Variants in MTUS2 observed in about 807,000 individuals in gnomAD.
MTUS2 encodes the protein microtubule associated scaffold protein 2.
Under a neutral mutation model 114.1 loss-of-function variants are expected in MTUS2, and 40 were observed. The ratio of observed to expected loss-of-function variants is 0.35; its 90% CI spans 0.27 to 0.46. The LOEUF (loss-of-function observed/expected upper bound fraction) is 0.46, where lower values mean the gene tolerates loss of function less well. Ranked by LOEUF, MTUS2 falls within the 20% of genes least tolerant of loss-of-function variation. MTUS2 has a pLI of 1.00. For synonymous variants in MTUS2, 688 were observed against 672.0 expected (o/e 1.02, Z -0.37); for missense variants, 1,679 against 1,705.4 (o/e 0.98, Z 0.27).
At chr13:29,101,256 A>G (rs1463702692) in intron 5 of MTUS2, among the ~76,000 whole-genome samples, 1 of 152,010 alleles carries the variant, frequency 6.6e-6, no homozygotes, top group Non-Finnish European at 1.5e-5. Context: ...GATTCTAGGT[A>G]AGAAGTCAAA....
intron 3 of MTUS2, among the ~76,000 whole-genome samples, chr13:29,033,292 G>C (rs554181074): frequency 1.1e-3 from 169 of 152,276 alleles, no homozygotes; most frequent in African/African-American, 3.9e-3. Flanking sequence ...GATAACTCAG[G>C]CTCAGGTTTT....
chr13:29,084,882 G>GT (rs1393819116), intron 4 of MTUS2, among the ~76,000 whole-genome samples: 2 of 151,622 alleles, frequency 1.3e-5, no homozygotes, highest in Non-Finnish European at 2.9e-5. Flanking sequence ...AGAACACTGG[G>GT]TTTAACTAGT....
intron 8 of MTUS2, among the ~76,000 whole-genome samples, chr13:29,384,334 C>G (rs1323672251): frequency 1.3e-5 from 2 of 152,102 alleles, no homozygotes; most frequent in Non-Finnish European, 2.9e-5. Context: ...TATTTATGAC[C>G]CTTACTCAAT....
intron 5 of MTUS2, among the ~76,000 whole-genome samples, chr13:29,137,630 T>C (rs147053864): frequency 6.6e-4 from 101 of 152,186 alleles, no homozygotes; most frequent in African/African-American, 2.4e-3. Context: ...CTTTCTTCTT[T>C]TTTTTGAGAC....
chr13:29,223,882 C>T (rs1332068240), intron 5 of MTUS2, among the ~76,000 whole-genome samples: 1 of 152,240 alleles, frequency 6.6e-6, no homozygotes, highest in Non-Finnish European at 1.5e-5. Context: ...ACCACATTCC[C>T]TGTGCCAGCC....
chr13:29,284,790 C>T (rs1336400168), intron 6 of MTUS2, among the ~76,000 whole-genome samples: 2 of 152,026 alleles, frequency 1.3e-5, no homozygotes, highest in Non-Finnish European at 2.9e-5. Flanking sequence ...AGGATAAAGT[C>T]AGAACTCATC....
At chr13:29,291,181 G>A (rs1195461873) in intron 6 of MTUS2, among the ~76,000 whole-genome samples, 1 of 152,064 alleles carries the variant, frequency 6.6e-6, no homozygotes, top group Non-Finnish European at 1.5e-5. Context: ...GAGCCCGCCT[G>A]GTAGAGGCAG....
At chr13:29,317,335 T>A (rs1291860626) in intron 6 of MTUS2, among the ~76,000 whole-genome samples, 3 of 152,340 alleles carry the variant, frequency 2.0e-5, no homozygotes, top group African/African-American at 4.8e-5. Flanking sequence ...TCTTAATATT[T>A]AAAAAATTAC....
chr13:29,225,924 A>C (rs1316178407), intron 5 of MTUS2, among the ~76,000 whole-genome samples: 1 of 152,156 alleles, frequency 6.6e-6, no homozygotes, highest in Non-Finnish European at 1.5e-5. Flanking sequence ...TCTTTAGTAA[A>C]CTGTGTATGT....
At chr13:28,848,093 C>G (rs960950841) in intron 2 of MTUS2, among the ~76,000 whole-genome samples, 8 of 152,072 alleles carry the variant, frequency 5.3e-5, no homozygotes, top group African/African-American at 1.7e-4. Context: ...CCCTCCTTTT[C>G]TAGTTCAGGG....
chr13:29,105,841 G>A lies in MTUS2; in HGVS notation c.2644+4871G>A, dbSNP rs187950043. Among the ~76,000 whole-genome samples, 395 of 152,164 alleles carry A rather than the reference G, an allele frequency of 2.6e-3. 2 individuals carry two copies. Among genetic ancestry groups the A allele is most frequent in the Non-Finnish European group, 4.2e-3 (283 of 67,998 alleles). On this transcript the variant is annotated intron_variant, in intron 5 of 15. Transcript: ENST00000612955. ...GAGGATATCAGGTTGTTTCTCAGAA[G>A]GGATTGTAAGCCAGACAGCCTTTTG...
intron 9 of MTUS2, among the ~76,000 whole-genome samples, chr13:29,456,922 G>C (rs1365712013): frequency 2.6e-5 from 4 of 151,962 alleles, no homozygotes; most frequent in African/African-American, 7.2e-5. Context: ...CGAATCACGA[G>C]GTCAGGAGAT....
In MTUS2 at chr13:29,084,784, C is replaced by A. The variant is rs913165368; in HGVS notation, c.2447-15989C>A. Reference sequence around the variant, plus strand: ...AACTCCTGACCTCAGGTGATCCACCCCCCCCCCTCACCGTTGGCCTTCCAA... The same window carrying A: ...AACTCCTGACCTCAGGTGATCCACCACCCCCCCTCACCGTTGGCCTTCCAA... On this transcript the variant is annotated intron_variant, in intron 4 of 15. Coordinates refer to ENST00000612955, the MANE Select transcript of MTUS2 (RefSeq NM_001033602.4). Among the ~76,000 whole-genome samples the A allele has an allele frequency of 4.2e-4, 46 of 110,344 alleles. 1 individual carries two copies. The highest frequency in any genetic ancestry group is 1.6e-3 in the African/African-American group (42 of 25,522). 72.4% of individuals were successfully genotyped at this position (110,344 alleles called of 152,430 possible).
intron 9 of MTUS2, among the ~76,000 whole-genome samples, chr13:29,470,720 A>C (rs1048192346): frequency 5.9e-5 from 9 of 152,224 alleles, no homozygotes; most frequent in African/African-American, 1.9e-4. Context: ...GCCCTGCATG[A>C]TAAGTCCCTA....
In MTUS2 at chr13:29,026,614, A is replaced by G. The variant is rs913652419; in HGVS notation, c.1916A>G (p.His639Arg). 6.2e-7 allele frequency: 1 copy of G among 1,613,876 alleles called. No homozygotes were observed. Among genetic ancestry groups the G allele is most frequent in the Non-Finnish European group, 8.5e-7 (1 of 1,179,886 alleles). ...TKPIIMPKPK[H>R]VRPKIITYIR... ...CCCATCATTATGCCCAAGCCCAAGC[A>G]TGTGAGGCCCAAGATCATCACCTAC... The change falls in exon 3 of 16, where the codon CAT (histidine) becomes CGT (arginine). Residue 639 changes from histidine (H) to arginine (R), a missense_variant. By Grantham distance (29) the His-to-Arg change is conservative. Transcript: ENST00000612955.
At chr13:29,279,077 A>G (rs1898172638) in intron 5 of MTUS2, among the ~76,000 whole-genome samples, 1 of 152,110 alleles carries the variant, frequency 6.6e-6, no homozygotes, top group East Asian at 1.9e-4. Context: ...TTTCATAGCA[A>G]CTCTTACATT....
At chr13:29,273,639 C>T (rs1359240263) in intron 5 of MTUS2, among the ~76,000 whole-genome samples, 7 of 152,086 alleles carry the variant, frequency 4.6e-5, no homozygotes, top group Non-Finnish European at 8.8e-5. Flanking sequence ...CAATATCACC[C>T]CTATTTAATT....
intron 6 of MTUS2, among the ~76,000 whole-genome samples, chr13:29,309,539 C>T (rs893696890): frequency 4.7e-5 from 7 of 150,474 alleles, no homozygotes; most frequent in African/African-American, 1.5e-4. Flanking sequence ...CATATGTTTA[C>T]CTATGTAACA....
At chr13:29,341,286 C>T (rs117972159) in intron 7 of MTUS2, among the ~76,000 whole-genome samples, 1 of 152,148 alleles carries the variant, frequency 6.6e-6, no homozygotes, top group East Asian at 1.9e-4. Context: ...CAAGTGTTCC[C>T]TTTTCACAAC....
Sources: allele counts gnomAD v4.1 joint callset (sites outside exome capture counted in the v4.1 genomes callset), GRCh38; gene constraint gnomAD v4.1.1; transcripts MANE v1.5; gene names NCBI Gene and HGNC (gene_info 2026-07-23, HGNC 2026-07-21).